ALG13: variants seen among roughly 807,000 people sequenced by gnomAD.
The protein encoded by ALG13 is ALG13 UDP-N-acetylglucosaminyltransferase subunit, also known as UDP-N-acetylglucosamine transferase subunit ALG13.
A neutral mutation model predicts 87.8 loss-of-function variants in ALG13; 11 were observed. The ratio of observed to expected loss-of-function variants is 0.13; its 90% CI spans 0.08 to 0.21. The LOEUF (loss-of-function observed/expected upper bound fraction) is 0.21, where lower values mean the gene tolerates loss of function less well. Among genes scored for constraint, ALG13 ranks in the 10% least tolerant of loss-of-function variants. The pLI is 1.00. For synonymous variants in ALG13, 320 were observed against 306.3 expected, an observed-to-expected ratio of 1.04 and a Z score of -0.47; for missense variants, 756 against 866.1, an observed-to-expected ratio of 0.87 and a Z score of 1.60.
chrX:111,695,411 C>G (rs1024973036), intron 3 of ALG13, among the ~76,000 whole-genome samples: 1 of 109,279 alleles, frequency 9.2e-6, no homozygotes, highest in Non-Finnish European at 1.9e-5. Flanking sequence ...TAATCCCAGT[C>G]GCTCAGGAGG....
chrX:111,731,736 A>G (rs1039273652), intron 21 of ALG13, among the ~76,000 whole-genome samples: 1 of 111,961 alleles, frequency 8.9e-6, no homozygotes, highest in African/African-American at 3.3e-5. Flanking sequence ...TAGCCATACT[A>G]CAGTTCTTTT....
chrX:111,748,025 A>C (rs1010927107), intron 24 of ALG13, among the ~76,000 whole-genome samples: 1 of 111,687 alleles, frequency 9.0e-6, no homozygotes, highest in Non-Finnish European at 1.9e-5. Flanking sequence ...TCATTGTTTT[A>C]ATTTGCATTT....
intron 11 of ALG13, among the ~76,000 whole-genome samples, chrX:111,720,710 A>G (rs780304836): frequency 8.9e-6 from 1 of 111,753 alleles, no homozygotes; most frequent in Non-Finnish European, 1.9e-5. Flanking sequence ...ATTCTAGGAA[A>G]GCAGAAGAAA....
chrX:111,755,599 C>A (rs1311859773), intron 25 of ALG13, among the ~76,000 whole-genome samples: 1 of 112,445 alleles, frequency 8.9e-6, no homozygotes, highest in Non-Finnish European at 1.9e-5. Flanking sequence ...ACAACCCCAT[C>A]AAAAAGTGGG....
At chrX:111,687,139 T>G (rs947872147) in intron 3 of ALG13, among the ~76,000 whole-genome samples, 1 of 111,405 alleles carries the variant, frequency 9.0e-6, no homozygotes, top group Non-Finnish European at 1.9e-5. Flanking sequence ...GAGACGGGGT[T>G]TCTCCATGTT....
Position 111,714,843 on chromosome X carries a change from T to C in ALG13, c.1005+1546T>C, listed in dbSNP as rs898172859. 3.6e-5 allele frequency among the ~76,000 whole-genome samples: 4 copies of C among 112,029 alleles called. No individual in the cohort carries two copies. In the South Asian group the frequency reaches 1.5e-3, roughly 42 times the overall value. On this transcript the variant is annotated intron_variant, in intron 8 of 26. Transcript: ENST00000394780. ...TGACCCTAAATGCTAATGGAAAGTT[T>C]TTAGGCAAAGGTGTGACATAATCTG...
chrX:111,736,697 T>C lies in ALG13; in HGVS notation c.2530-17T>C. Reference sequence around the variant, plus strand: ...AAACCAAACTTAAGAGTTTTGAACTTTCTTCCACACTTACAGATGATGGGA... The same window carrying C: ...AAACCAAACTTAAGAGTTTTGAACTCTCTTCCACACTTACAGATGATGGGA... On this transcript the variant is annotated splice_polypyrimidine_tract_variant and intron_variant, in intron 22 of 26. Transcript: ENST00000394780. 8.3e-7 allele frequency: 1 copy of C among 1,203,329 alleles called. No individual in the cohort carries two copies. Among genetic ancestry groups the C allele is most frequent in the Non-Finnish European group, 1.1e-6 (1 of 891,394 alleles).
intron 12 of ALG13, among the ~76,000 whole-genome samples, chrX:111,722,004 C>T (rs1941445732): frequency 9.0e-6 from 1 of 111,375 alleles, no homozygotes; most frequent in Non-Finnish European, 1.9e-5. Context: ...ATCTTAAATT[C>T]CAGGTGTTAA....
Position 111,708,231 on chromosome X carries a change from T to G in ALG13, c.588T>G (p.Pro196=), listed in dbSNP as rs747214832. 7 of 1,209,539 alleles carry G rather than the reference T, an allele frequency of 5.8e-6. No individual in the cohort carries two copies. In the East Asian group the frequency reaches 2.1e-4, roughly 36 times the overall value. The change falls in exon 4 of 27, where the codon CCT becomes CCG. Residue 196 remains proline (P), a synonymous_variant. Coordinates refer to ENST00000394780, the MANE Select transcript of ALG13 (RefSeq NM_001099922.3). Reference sequence around the variant, plus strand: ...CTTGCCACGCTTTTTTTCCTCTCCCTCTTACCCCCACCCTGTACAAAATGC... The same window carrying G: ...CTTGCCACGCTTTTTTTCCTCTCCCGCTTACCCCCACCCTGTACAAAATGC... The part of the protein sequence containing the change: ...FPSCHAFFPL[P]LTPTLYKMHK...
At chrX:111,722,628 A>G (rs748899165) in intron 12 of ALG13, among the ~76,000 whole-genome samples, 165 bp from the exon 13 acceptor site, 1 of 112,506 alleles carries the variant, frequency 8.9e-6, no homozygotes, top group South Asian at 3.7e-4. Context: ...GACTGCAGAA[A>G]TAACTCATCC....
At chrX:111,688,922 C>T in intron 3 of ALG13, 1 of 746,825 alleles carries the variant, frequency 1.3e-6, no homozygotes. Flanking sequence ...CTCTCTGGTA[C>T]AATGTTTAGA....
chrX:111,711,527 C>A (rs1384193790), intron 5 of ALG13, 148 bp from the exon 6 acceptor site: 1 of 455,133 alleles, frequency 2.2e-6, no homozygotes, highest in Non-Finnish European at 3.6e-6. Context: ...TGTGTATGTG[C>A]AAATCTTCTT....
chrX:111,759,144 ATTTTTTTT>A (rs60549732), intron 26 of ALG13, among the ~76,000 whole-genome samples: 1 of 92,723 alleles, frequency 1.1e-5, no homozygotes, highest in East Asian at 3.3e-4. Flanking sequence ...CAAGTAATGA[ATTTTTTTT>A]TTTTTTTTTT....
At position 111,723,862 on chromosome X, in the gene ALG13, A is replaced by G; in HGVS notation, c.1565A>G (p.Asn522Ser). The change falls in exon 14 of 27, where the codon AAT (asparagine) becomes AGT (serine). Residue 522 changes from asparagine (N) to serine (S), a missense_variant. Transcript: ENST00000394780. ...AHIQEVGNEN[N>S]SVTVFIEELA... ...ATCCAGGAAGTTGGAAATGAGAACA[A>G]TTCAGTAACAGTCTTCATTGAAGAA... 2 of 1,177,426 alleles carry G rather than the reference A, an allele frequency of 1.7e-6. No homozygotes were observed. Among genetic ancestry groups the G allele is most frequent in the South Asian group, 1.9e-5 (1 of 51,771 alleles).
chrX:111,691,997 T>G (rs1936236615), intron 3 of ALG13, among the ~76,000 whole-genome samples: 1 of 112,092 alleles, frequency 8.9e-6, no homozygotes, highest in Non-Finnish European at 1.9e-5. Context: ...CTCCTTTATC[T>G]GTATCTCCCA....
intron 24 of ALG13, among the ~76,000 whole-genome samples, chrX:111,749,696 T>G (rs1944546433): frequency 9.0e-6 from 1 of 110,704 alleles, no homozygotes; most frequent in Non-Finnish European, 1.9e-5. Context: ...CTACATCTTC[T>G]GTTAAATGTG....
intron 25 of ALG13, among the ~76,000 whole-genome samples, chrX:111,756,215 A>T (rs1945239467): frequency 9.0e-6 from 1 of 111,471 alleles, no homozygotes; most frequent in South Asian, 3.8e-4. Context: ...GAACAGTGAG[A>T]ACATACGGGC....
chrX:111,741,844 T>C (rs1486994138), intron 23 of ALG13, among the ~76,000 whole-genome samples: 2 of 110,677 alleles, frequency 1.8e-5, no homozygotes, highest in African/African-American at 6.6e-5. Context: ...GCACAGTGCC[T>C]GGAACAAAAA....
chrX:111,701,078 A>T (rs1051275240), intron 3 of ALG13, among the ~76,000 whole-genome samples: 1 of 110,776 alleles, frequency 9.0e-6, no homozygotes, highest in Non-Finnish European at 1.9e-5. Context: ...GAGCATGGGG[A>T]ATGAGTCTTG....
Sources: allele counts gnomAD v4.1 joint callset (sites outside exome capture counted in the v4.1 genomes callset), GRCh38; gene constraint gnomAD v4.1.1; transcripts MANE v1.5; gene names NCBI Gene and HGNC (gene_info 2026-07-23, HGNC 2026-07-21).